Variants in PDE1A observed in about 807,000 individuals in gnomAD.
PDE1A encodes dual specificity calcium/calmodulin-dependent 3',5'-cyclic nucleotide phosphodiesterase 1A.
Under a neutral mutation model 61.7 loss-of-function variants are expected in PDE1A, and 35 were observed. That is an observed-to-expected ratio of 0.57 (90% confidence interval 0.43 to 0.75). The LOEUF is 0.75. PDE1A is among the 30% of genes least tolerant of loss of function. The pLI, the probability that PDE1A is intolerant of heterozygous loss-of-function variation, is 0.00. For synonymous variants in PDE1A, 232 were observed against 213.2 expected (o/e 1.09, Z -0.77); for missense variants, 597 against 630.6 (o/e 0.95, Z 0.57).
At chr2:182,208,609 G>C (rs1004159190) in intron 7 of PDE1A, among the ~76,000 whole-genome samples, 1 of 152,182 alleles carries the variant, frequency 6.6e-6, no homozygotes, top group African/African-American at 2.4e-5. Context: ...ACATGGAAAA[G>C]CCACAGGCAC....
At chr2:182,625,268 T>C in the PDE1A span, among the ~76,000 whole-genome samples, 3 of 152,322 alleles carry the variant, frequency 2.0e-5, no homozygotes, top group African/African-American at 7.2e-5. Context: ...GGTATTTTGT[T>C]ATAGCAACCT....
intron 1 of PDE1A, among the ~76,000 whole-genome samples, chr2:182,296,853 G>A (rs1694919230): frequency 6.6e-6 from 1 of 152,144 alleles, no homozygotes; most frequent in African/African-American, 2.4e-5. Context: ...GGCCTGAATA[G>A]AACAAAAAGG....
At chr2:182,426,766 G>A in exon 1 of PDE1A, 1 of 1,491,826 alleles carries the variant, frequency 6.7e-7, no homozygotes, top group Non-Finnish European at 8.9e-7. Context: ...CTTTTTGGGT[G>A]CTGGGAGAAA....
chr2:182,544,281 A>T, the PDE1A span, among the ~76,000 whole-genome samples: 2 of 152,308 alleles, frequency 1.3e-5, no homozygotes, highest in African/African-American at 4.8e-5. Context: ...CAGCAGGACT[A>T]GCCCTGACAG....
chr2:182,596,944 A>G, the PDE1A span, among the ~76,000 whole-genome samples: 1 of 152,158 alleles, frequency 6.6e-6, no homozygotes, highest in Non-Finnish European at 1.5e-5. Context: ...TGTAGAGCCC[A>G]GGAATTTGAG....
chr2:182,190,056 T>C (rs1685561018), intron 10 of PDE1A, among the ~76,000 whole-genome samples: 1 of 152,248 alleles, frequency 6.6e-6, no homozygotes, highest in Non-Finnish European at 1.5e-5. Flanking sequence ...TTAACATCTT[T>C]CTATGCTAAT....
chr2:182,515,732 C>G (rs1474577385), intron 2 of PDE1A, among the ~76,000 whole-genome samples: 1 of 152,182 alleles, frequency 6.6e-6, no homozygotes, highest in Non-Finnish European at 1.5e-5. Context: ...GACTTATCAA[C>G]AATTTCCAAG....
At chr2:182,395,074 C>T (rs1458042414) in intron 1 of PDE1A, among the ~76,000 whole-genome samples, 3 of 152,190 alleles carry the variant, frequency 2.0e-5, no homozygotes, top group Non-Finnish European at 2.9e-5. Context: ...GCTGCTGTAC[C>T]AGATGTGGTT....
At chr2:182,596,114 T>C in the PDE1A span, among the ~76,000 whole-genome samples, 2 of 152,214 alleles carry the variant, frequency 1.3e-5, no homozygotes, top group African/African-American at 4.8e-5. Flanking sequence ...AAGGGAGTAT[T>C]TGAGACAGAA....
At chr2:182,505,842 T>G (rs982628187) in intron 2 of PDE1A, among the ~76,000 whole-genome samples, 6 of 152,208 alleles carry the variant, frequency 3.9e-5, no homozygotes, top group African/African-American at 1.4e-4. Context: ...ATTGGGCCAT[T>G]ACTGCAACAG....
At chr2:182,651,953 G>A in the PDE1A span, among the ~76,000 whole-genome samples, 1 of 152,172 alleles carries the variant, frequency 6.6e-6, no homozygotes, top group African/African-American at 2.4e-5. Context: ...TATTTATCAA[G>A]GAAGTCAGGG....
In PDE1A at chr2:182,270,537, A is replaced by T. The variant is rs144909324; in HGVS notation, c.54-6123T>A. Among the ~76,000 whole-genome samples, 784 of 151,910 alleles carry T rather than the reference A, an allele frequency of 5.2e-3. 9 individuals carry two copies. Among genetic ancestry groups the T allele is most frequent in the African/African-American group, 0.018 (750 of 41,512 alleles). On this transcript the variant is annotated intron_variant, in intron 1 of 13. Coordinates refer to ENST00000351439, the Ensembl canonical transcript of PDE1A. ...AAATACCCAGGATATCCCTCATGTG[A>T]CAGAGCATGAATAAAACGTAATAAT... is the stretch of plus-strand genomic sequence containing the variant.
intron 1 of PDE1A, among the ~76,000 whole-genome samples, chr2:182,376,021 C>G (rs1466271231): frequency 6.6e-6 from 1 of 152,210 alleles, no homozygotes; most frequent in Non-Finnish European, 1.5e-5. Context: ...GGACCCTGGG[C>G]CCTGCCCATG....
At chr2:182,347,255 C>T (rs1698574210) in intron 1 of PDE1A, among the ~76,000 whole-genome samples, 1 of 152,020 alleles carries the variant, frequency 6.6e-6, no homozygotes, top group African/African-American at 2.4e-5. Flanking sequence ...CATTGACCTA[C>T]CATGCTAATA....
At chr2:182,440,319 G>A (rs1210352335) in intron 2 of PDE1A, among the ~76,000 whole-genome samples, 1 of 152,004 alleles carries the variant, frequency 6.6e-6, no homozygotes, top group Non-Finnish European at 1.5e-5. Context: ...AGGAAGAAAG[G>A]GAATCTGCTA....
At chr2:182,248,736 T>A (rs1424945089) in intron 2 of PDE1A, among the ~76,000 whole-genome samples, 1 of 152,182 alleles carries the variant, frequency 6.6e-6, no homozygotes, top group Non-Finnish European at 1.5e-5. Flanking sequence ...ATGTGGTTAT[T>A]TCTGGGCAAT....
chr2:182,172,207 A>G (rs1692288372), intron 13 of PDE1A, among the ~76,000 whole-genome samples: 1 of 151,996 alleles, frequency 6.6e-6, no homozygotes, highest in Non-Finnish European at 1.5e-5. Context: ...TTAATATCAG[A>G]CTTCCACAAA....
chr2:182,425,293 A>T (rs903215315), intron 1 of PDE1A, among the ~76,000 whole-genome samples: 40 of 152,164 alleles, frequency 2.6e-4, no homozygotes, highest in African/African-American at 9.4e-4. Flanking sequence ...ACCTTTTTGA[A>T]GTCGCACGTG....
intron 1 of PDE1A, among the ~76,000 whole-genome samples, chr2:182,370,856 T>C (rs1448651440): frequency 2.0e-5 from 3 of 152,126 alleles, no homozygotes; most frequent in East Asian, 1.9e-4. Context: ...GCATTATCAT[T>C]GAACATGCTG....
Sources: allele counts gnomAD v4.1 joint callset (sites outside exome capture counted in the v4.1 genomes callset), GRCh38; gene constraint gnomAD v4.1.1; transcripts MANE v1.5; gene names NCBI Gene and HGNC (gene_info 2026-07-23, HGNC 2026-07-21).